FRAS1: variants seen among roughly 807,000 people sequenced by gnomAD.
FRAS1 encodes the protein Fraser extracellular matrix complex subunit 1.
A neutral mutation model predicts 435.2 loss-of-function variants in FRAS1; 290 were observed. That is an observed-to-expected ratio of 0.67 (90% CI 0.61 to 0.73). FRAS1 has a LOEUF of 0.73. FRAS1 is among the 30% of genes least tolerant of loss of function. The pLI is 0.00. For synonymous variants in FRAS1, 1,800 were observed against 1,851.0 expected, an observed-to-expected ratio of 0.97 and a Z score of 0.71; for missense variants, 4,860 against 5,001.5, an observed-to-expected ratio of 0.97 and a Z score of 0.85.
In FRAS1 at chr4:78,278,546, T is replaced by C. The variant is rs944142505; in HGVS notation, c.982-109T>C. ...ACAGGCAGAGGGCCAGAGCCAACAG[T>C]GTGCCAGCGTTTCTTATTCCAGTCA... On this transcript the variant is annotated intron_variant, in intron 9 of 73. Transcript: ENST00000512123. The C allele has an allele frequency of 4.4e-6, 3 of 674,980 alleles. No homozygotes were observed. In the African/African-American group the frequency reaches 5.4e-5, roughly 12 times the overall value. The allele number at this position is 674,980 out of a possible 1,614,324, so 41.8% of individuals were successfully genotyped here.
chr4:78,268,350 G>A (rs1180295821), intron 9 of FRAS1, among the ~76,000 whole-genome samples: 1 of 152,172 alleles, frequency 6.6e-6, no homozygotes, highest in Non-Finnish European at 1.5e-5. Context: ...CCTCCTACTT[G>A]TAGGTCTTGA....
In FRAS1 at chr4:78,438,936, G is replaced by A. The variant is rs969466327; in HGVS notation, c.5401G>A (p.Val1801Ile). ...SAVFETDGHL[V>I]TDSFYFSVSD... ...TGTGTTTGAAACTGATGGTCATCTGGTTACTGATAGCTTCTATTTCTCTGT... is the reference window on the plus strand; with the variant it reads ...TGTGTTTGAAACTGATGGTCATCTGATTACTGATAGCTTCTATTTCTCTGT... The change falls in exon 40 of 74, where the codon GTT (valine) becomes ATT (isoleucine). Residue 1801 changes from valine (V) to isoleucine (I), a missense_variant. By Grantham distance (29) the Val-to-Ile change is conservative. Transcript: ENST00000512123. 6.2e-7 allele frequency: 1 copy of A among 1,611,654 alleles called. No individual in the cohort carries two copies. The highest frequency in any genetic ancestry group is 1.7e-5 in the Admixed American group (1 of 59,424).
chr4:78,518,422 G>GTATATATATATATATATATATA (rs71216219), intron 66 of FRAS1, among the ~76,000 whole-genome samples: 1 of 135,730 alleles, frequency 7.4e-6, no homozygotes, highest in African/African-American at 3.0e-5. Context: ...TTTTTGTTGT[G>GTATATATATATATATATATATA]TATATATATA....
chr4:78,391,223 C>T (rs1732431277), intron 29 of FRAS1, among the ~76,000 whole-genome samples: 1 of 152,172 alleles, frequency 6.6e-6, no homozygotes, highest in South Asian at 2.1e-4. Flanking sequence ...ACATCACTTC[C>T]CCCAAACTTA....
chr4:78,515,506 T>A (rs1721179148), intron 65 of FRAS1, among the ~76,000 whole-genome samples: 1 of 152,168 alleles, frequency 6.6e-6, no homozygotes, highest in Non-Finnish European at 1.5e-5. Flanking sequence ...GAGTTTTCCT[T>A]TCCAAGTTCT....
chr4:78,129,298 A>C (rs1434920360), intron 2 of FRAS1, among the ~76,000 whole-genome samples: 1 of 152,200 alleles, frequency 6.6e-6, no homozygotes, highest in Non-Finnish European at 1.5e-5. Flanking sequence ...GAAGAAAGTC[A>C]TTGTTATGAA....
intron 62 of FRAS1, 133 bp downstream of exon 62, chr4:78,507,741 A>T: frequency 2.4e-6 from 2 of 823,240 alleles, no homozygotes; most frequent in Non-Finnish European, 3.6e-6. Flanking sequence ...GCCTTCCATC[A>T]TCCCCTTTCC....
rs539164756 is a variant in FRAS1, at chr4:78,279,356, G to C, written c.1071+612G>C. Among the ~76,000 whole-genome samples, 11 of 152,314 alleles carry C rather than the reference G, an allele frequency of 7.2e-5. No individual in the cohort carries two copies. In the South Asian group the frequency reaches 2.3e-3, roughly 32 times the overall value. ...TACCCTGAGGCAAATGGGAGCTGCT[G>C]GGGAGTTTTGAGCAGAAGAGCGCTG... is the stretch of plus-strand genomic sequence containing the variant. On this transcript the variant is annotated intron_variant, in intron 10 of 73. Transcript: ENST00000512123.
chr4:78,357,129 C>T (rs1730887621), intron 20 of FRAS1, among the ~76,000 whole-genome samples: 1 of 152,206 alleles, frequency 6.6e-6, no homozygotes, highest in Non-Finnish European at 1.5e-5. Context: ...ACATTCTCCC[C>T]CTGCCCTGCT....
rs781411169 is a variant in FRAS1, at chr4:78,537,197, G to C, written c.11295G>C (p.Leu3765=). 1 of 1,613,386 alleles carries C rather than the reference G, an allele frequency of 6.2e-7. No homozygotes were observed. The change falls in exon 72 of 74, where the codon CTG becomes CTC. Residue 3765 remains leucine, a synonymous_variant. Coordinates refer to ENST00000512123, the MANE Select transcript of FRAS1 (RefSeq NM_025074.7). ...PNKHLKHRFL[L]LDRNQPEVTD... Reference sequence around the variant, plus strand: ...AACACCTAAAACACAGATTCCTGCTGTTGGTATGCTAAGTTCTCACTATTA... The same window carrying C: ...AACACCTAAAACACAGATTCCTGCTCTTGGTATGCTAAGTTCTCACTATTA...
At chr4:78,182,324 CCTGGAAGGGGAG>C (rs1384363552) in intron 2 of FRAS1, among the ~76,000 whole-genome samples, 1 of 152,134 alleles carries the variant, frequency 6.6e-6, no homozygotes, top group Non-Finnish European at 1.5e-5. Flanking sequence ...CACCTGGGGG[CCTGGAAGGGGAG>C]CTTCACCCAT....
At chr4:78,347,145 C>T (rs181317454) in intron 20 of FRAS1, among the ~76,000 whole-genome samples, 1 of 152,306 alleles carries the variant, frequency 6.6e-6, no homozygotes, top group Admixed American at 6.5e-5. Flanking sequence ...CTCTTGACTT[C>T]CTTGTCCACC....
intron 58 of FRAS1, among the ~76,000 whole-genome samples, chr4:78,484,440 A>G (rs1560753323): frequency 6.6e-6 from 1 of 152,198 alleles, no homozygotes; most frequent in African/African-American, 2.4e-5. Context: ...CTGTAAACAA[A>G]CATCCTAAGA....
rs147709711 is a variant in FRAS1, at chr4:78,252,462, C to G, written c.380C>G (p.Pro127Arg). Residue 127 changes from proline (P) to arginine (R), a missense_variant, in exon 5 of 74, where the codon CCC (proline) becomes CGC (arginine). Physicochemically the swap from Pro to Arg is moderately radical, Grantham distance 103. Coordinates refer to ENST00000512123, the MANE Select transcript of FRAS1 (RefSeq NM_025074.7). ...AATCATGGGGAAGTCCGATGTACCC[C>G]CCAACCATGCCCACCGCTGTCATGT... ...SCNHGEVRCT[P>R]QPCPPLSCGH... 28,320 of 1,613,702 alleles carry G rather than the reference C, an allele frequency of 0.018. 315 individuals are homozygous for G. Among genetic ancestry groups the G allele is most frequent in the Non-Finnish European group, 0.022 (25,406 of 1,179,782 alleles).
At chr4:78,407,515 TG>T in intron 30 of FRAS1, 147 bp from the exon 31 acceptor site, 1 of 587,676 alleles carries the variant, frequency 1.7e-6, no homozygotes, top group South Asian at 3.0e-5. Context: ...TTGAATTATG[TG>T]TTAACATCCT....
At chr4:78,426,320 A>G (rs1733996117) in intron 35 of FRAS1, among the ~76,000 whole-genome samples, 1 of 152,208 alleles carries the variant, frequency 6.6e-6, no homozygotes, top group Non-Finnish European at 1.5e-5. Flanking sequence ...TAACTTGTCT[A>G]GGACTTTAAG....
rs1196584708 is a variant in FRAS1, at chr4:78,412,077, G to A, written c.4309-892G>A. Among the ~76,000 whole-genome samples, 5 of 152,250 alleles carry A rather than the reference G, an allele frequency of 3.3e-5. No homozygotes were observed. The East Asian group carries it at 9.6e-4, about 29-fold the overall frequency. ...GTTATTGTTGGTAAGATAATTTACAGTGATGCTATATCTCCTTAAAAACGT... is the reference window on the plus strand; with the variant it reads ...GTTATTGTTGGTAAGATAATTTACAATGATGCTATATCTCCTTAAAAACGT... On this transcript the variant is annotated intron_variant, in intron 31 of 73. Transcript: ENST00000512123.
rs759059012 is a variant in FRAS1, at chr4:78,452,171, T to A, written c.6584-4T>A. The A allele has an allele frequency of 2.5e-6, 4 of 1,613,238 alleles. No homozygotes were observed. The Admixed American group carries it at 6.7e-5, about 27-fold the overall frequency. On this transcript the variant is annotated splice_polypyrimidine_tract_variant and splice_region_variant and intron_variant, in intron 46 of 73. Coordinates refer to ENST00000512123, the MANE Select transcript of FRAS1 (RefSeq NM_025074.7). ...TTTCAAATCACTATTTCTGATATTT[T>A]CAGAAGACAAATCCCCACCAGTCAT...
intron 73 of FRAS1, 49 bp downstream of exon 73, chr4:78,539,489 G>C: frequency 7.9e-7 from 1 of 1,260,986 alleles, no homozygotes; most frequent in Non-Finnish European, 1.1e-6. Flanking sequence ...CTACTTTAAA[G>C]CTTGAAAAAA....
Sources: allele counts gnomAD v4.1 joint callset (sites outside exome capture counted in the v4.1 genomes callset), GRCh38; gene constraint gnomAD v4.1.1; transcripts MANE v1.5; gene names NCBI Gene and HGNC (gene_info 2026-07-23, HGNC 2026-07-21).